Variants in FOXP1 observed in about 807,000 individuals in gnomAD.
FOXP1 encodes the protein forkhead box P1.
In FOXP1, 15 loss-of-function variants were observed where a neutral mutation model predicts 98.2. That is an observed-to-expected ratio of 0.15 (90% CI 0.10 to 0.24). The LOEUF is 0.24. FOXP1 is among the 10% of genes least tolerant of loss of function. The pLI, the probability that FOXP1 is intolerant of heterozygous loss-of-function variation, is 1.00. For missense variants in FOXP1, 633 were observed against 848.5 expected (o/e 0.75, Z 3.15); for synonymous variants, 371 against 314.5 (o/e 1.18, Z -1.90).
At chr3:71,484,365 C>T (rs1283987127) in intron 3 of FOXP1, among the ~76,000 whole-genome samples, 1 of 152,118 alleles carries the variant, frequency 6.6e-6, no homozygotes, top group East Asian at 1.9e-4. Flanking sequence ...TTTTAAAATG[C>T]TTTTAATAAT....
intron 2 of FOXP1, among the ~76,000 whole-genome samples, chr3:71,538,266 T>A (rs2044470379): frequency 1.3e-5 from 2 of 152,194 alleles, no homozygotes; most frequent in African/African-American, 2.4e-5. Context: ...CACCACAATA[T>A]AAGTTAGAAG....
chr3:71,436,141 C>T (rs953881516), intron 3 of FOXP1, among the ~76,000 whole-genome samples: 2 of 151,830 alleles, frequency 1.3e-5, no homozygotes, highest in Non-Finnish European at 2.9e-5. Context: ...ATTCCTATTA[C>T]ATATTTCCCA....
intron 3 of FOXP1, among the ~76,000 whole-genome samples, chr3:71,482,367 C>CT (rs11464442): frequency 0.34 from 38,738 of 114,242 alleles, 8,453 homozygotes; most frequent in East Asian, 0.91. Flanking sequence ...AATACATAAC[C>CT]TTTTTTTTTT....
At position 71,397,036 on chromosome 3, in the gene FOXP1, G is replaced by GTATA. The variant is rs1157240943; in HGVS notation, c.-167-37796_-167-37793dup. On this transcript the variant is annotated intron_variant, in intron 3 of 20. Coordinates refer to ENST00000649528, the MANE Select transcript of FOXP1 (RefSeq NM_001349338.3). ...TATATATATATATACATATATATGT[G>GTATA]TATATATATATACACATATATATGT... Among the ~76,000 whole-genome samples the GTATA allele has an allele frequency of 4.9e-4, 19 of 39,156 alleles. 1 individual carries two copies. The highest frequency in any genetic ancestry group is 1.7e-3 in the Admixed American group (7 of 4,078). 25.7% of individuals were successfully genotyped at this position (39,156 alleles called of 152,430 possible). A position where few individuals can be genotyped will look rare whatever the true frequency, so the allele number is the denominator to read the frequency against.
At chr3:71,150,835 T>C (rs780733081) in intron 6 of FOXP1, among the ~76,000 whole-genome samples, 6 of 152,152 alleles carry the variant, frequency 3.9e-5, no homozygotes, top group Non-Finnish European at 7.4e-5. Flanking sequence ...CGGTGTTTTG[T>C]TGTCTACCCC....
chr3:71,465,918 C>T (rs1253097015), intron 3 of FOXP1, among the ~76,000 whole-genome samples: 1 of 152,186 alleles, frequency 6.6e-6, no homozygotes, highest in Admixed American at 6.5e-5. Flanking sequence ...TTGTGCACTC[C>T]TTATGAGAAC....
intron 5 of FOXP1, among the ~76,000 whole-genome samples, chr3:71,237,793 A>T (rs1056116081): frequency 5.3e-5 from 8 of 152,232 alleles, no homozygotes; most frequent in African/African-American, 1.9e-4. Context: ...GCTGATATTC[A>T]TTCTGTCACC....
At chr3:71,567,451 A>G (rs956137977) in intron 2 of FOXP1, among the ~76,000 whole-genome samples, 1 of 152,168 alleles carries the variant, frequency 6.6e-6, no homozygotes, top group Admixed American at 6.5e-5. Context: ...AGAGAATTCA[A>G]GCTACTTAGT....
At chr3:71,215,729 T>G (rs1371580550) in intron 5 of FOXP1, among the ~76,000 whole-genome samples, 1 of 152,198 alleles carries the variant, frequency 6.6e-6, no homozygotes, top group Non-Finnish European at 1.5e-5. Context: ...AAAGTCAACA[T>G]TTCTTCTAAT....
intron 2 of FOXP1, among the ~76,000 whole-genome samples, chr3:71,552,765 G>A (rs1033983750): frequency 2.0e-5 from 3 of 151,964 alleles, no homozygotes; most frequent in African/African-American, 7.2e-5. Context: ...TTACTTAAAT[G>A]CCAGGTGCTT....
chr3:71,198,382 G>T lies in FOXP1; in HGVS notation c.-1C>A. Reference sequence around the variant, plus strand: ...TCTCAGTCCCAGATTCTTGCATCATGACTCAAAAACCTGATACAAGGATTT... The same window carrying T: ...TCTCAGTCCCAGATTCTTGCATCATTACTCAAAAACCTGATACAAGGATTT... On this transcript the variant is annotated 5_prime_UTR_variant, in exon 6 of 21. Coordinates refer to ENST00000649528, the MANE Select transcript of FOXP1 (RefSeq NM_001349338.3). 7.7e-7 allele frequency: 1 copy of T among 1,302,380 alleles called. No individual in the cohort carries two copies. The highest frequency in any genetic ancestry group is 1.0e-6 in the Non-Finnish European group (1 of 977,652). The allele number at this position is 1,302,380 out of a possible 1,614,324, so 80.7% of individuals were successfully genotyped here. A position where few individuals can be genotyped will look rare whatever the true frequency, so the allele number is the denominator to read the frequency against.
intron 3 of FOXP1, among the ~76,000 whole-genome samples, chr3:71,480,648 C>T (rs763143319): frequency 3.3e-5 from 5 of 152,152 alleles, no homozygotes; most frequent in Admixed American, 1.3e-4. Context: ...AAGCAAAAGA[C>T]GAACAGCTGA....
chr3:71,390,330 T>C (rs774726485), intron 3 of FOXP1, among the ~76,000 whole-genome samples: 25 of 152,208 alleles, frequency 1.6e-4, no homozygotes, highest in Non-Finnish European at 2.8e-4. Flanking sequence ...AGCAGTGGGA[T>C]TCTAAGGGCC....
chr3:71,188,176 C>G (rs2108319454), intron 6 of FOXP1, among the ~76,000 whole-genome samples: 1 of 152,314 alleles, frequency 6.6e-6, no homozygotes, highest in South Asian at 2.1e-4. Context: ...TTTCCCTCTA[C>G]TAGGAAGAGG....
At chr3:71,337,181 A>G (rs758084291) in intron 4 of FOXP1, among the ~76,000 whole-genome samples, 22 of 152,232 alleles carry the variant, frequency 1.4e-4, no homozygotes, top group Non-Finnish European at 2.8e-4. Context: ...GGAACAGGAC[A>G]CAGGAGAAAC....
chr3:71,148,558 C>T (rs1208540277), intron 6 of FOXP1, among the ~76,000 whole-genome samples: 2 of 152,130 alleles, frequency 1.3e-5, no homozygotes, highest in African/African-American at 4.8e-5. Context: ...CCCTGAATGA[C>T]AGGCAAAAAC....
At chr3:71,031,477 T>C (rs1216648189) in intron 11 of FOXP1, among the ~76,000 whole-genome samples, 2 of 152,198 alleles carry the variant, frequency 1.3e-5, no homozygotes. Flanking sequence ...GCTTTTTGCC[T>C]CCTGGTGAAT....
At chr3:71,159,136 G>GTAC (rs75221059) in intron 6 of FOXP1, among the ~76,000 whole-genome samples, 30,483 of 142,840 alleles carry the variant, frequency 0.21, 3,754 homozygotes, top group East Asian at 0.51. Flanking sequence ...AAGTTGAAAA[G>GTAC]TACTTCAAAA....
intron 5 of FOXP1, among the ~76,000 whole-genome samples, chr3:71,259,750 T>C (rs754377958): frequency 1.3e-5 from 2 of 152,224 alleles, no homozygotes; most frequent in African/African-American, 4.8e-5. Flanking sequence ...GAGGTGCCTA[T>C]CACTTAGAAC....
Sources: allele counts gnomAD v4.1 joint callset (sites outside exome capture counted in the v4.1 genomes callset), GRCh38; gene constraint gnomAD v4.1.1; transcripts MANE v1.5; gene names NCBI Gene and HGNC (gene_info 2026-07-23, HGNC 2026-07-21).